RANBP3L: variants seen among roughly 807,000 people sequenced by gnomAD.
The protein encoded by RANBP3L is RAN binding protein 3 like.
A neutral mutation model predicts 67.2 loss-of-function variants in RANBP3L; 56 were observed. The ratio of observed to expected loss-of-function variants is 0.83; its 90% CI spans 0.67 to 1.04. The LOEUF (loss-of-function observed/expected upper bound fraction) is 1.04. RANBP3L is among the 50% of genes least tolerant of loss of function. RANBP3L has a pLI of 0.00. For synonymous variants in RANBP3L, 164 were observed against 181.4 expected (o/e 0.90, Z 0.77); for missense variants, 496 against 535.5 (o/e 0.93, Z 0.73).
At chr5:36,276,313 C>T (rs1166419183) in intron 1 of RANBP3L, among the ~76,000 whole-genome samples, 2 of 152,238 alleles carry the variant, frequency 1.3e-5, no homozygotes, top group Non-Finnish European at 1.5e-5. Flanking sequence ...GGAAGAAAAC[C>T]CAGTACAGTG....
intron 4 of RANBP3L, chr5:36,268,258 A>T: frequency 6.5e-7 from 1 of 1,534,288 alleles, no homozygotes; most frequent in Non-Finnish European, 8.8e-7. Flanking sequence ...CTTCTGAGAC[A>T]AGGTTGACAC....
intron 13 of RANBP3L, among the ~76,000 whole-genome samples, chr5:36,250,083 T>G (rs1748488916): frequency 6.6e-6 from 1 of 151,900 alleles, no homozygotes; most frequent in African/African-American, 2.4e-5. Context: ...ATAGCACCCC[T>G]TTCCTAAAAT....
intron 1 of RANBP3L, among the ~76,000 whole-genome samples, chr5:36,295,229 T>C (rs1579795703): frequency 6.6e-6 from 1 of 152,072 alleles, no homozygotes; most frequent in Admixed American, 6.6e-5. Context: ...TCCCCACCCA[T>C]ATCTCATCTT....
At chr5:36,283,629 C>T (rs181440214) in intron 1 of RANBP3L, among the ~76,000 whole-genome samples, 8 of 152,034 alleles carry the variant, frequency 5.3e-5, no homozygotes, top group Admixed American at 2.0e-4. Flanking sequence ...TACAGCCAAT[C>T]GTAGACCAAA....
chr5:36,255,474 T>G lies in RANBP3L; in HGVS notation c.1020A>C (p.Arg340Ser). 1 of 1,608,832 alleles carries G rather than the reference T, an allele frequency of 6.2e-7. No individual in the cohort carries two copies. The highest frequency in any genetic ancestry group is 8.5e-7 in the Non-Finnish European group (1 of 1,177,242). The change falls in exon 11 of 14, where the codon AGA (arginine) becomes AGC (serine). Residue 340 changes from arginine to serine, a missense_variant. By Grantham distance (110) the Arg-to-Ser change is moderately radical. Transcript: ENST00000296604. ...CTTTACAAAAGGATTCCTTACTTAG[T>G]CTTGACTGTAATGTTCCACAGTCAG... ...ASTDCGTLQS[R>S]LIMRNQGSLR...
chr5:36,258,862 G>A (rs1749175552), intron 8 of RANBP3L, among the ~76,000 whole-genome samples: 1 of 152,158 alleles, frequency 6.6e-6, no homozygotes, highest in African/African-American at 2.4e-5. Flanking sequence ...TTGACACCTG[G>A]CCTCACCCAC....
intron 1 of RANBP3L, among the ~76,000 whole-genome samples, chr5:36,293,665 G>GT (rs1480016613): frequency 2.8e-5 from 4 of 143,266 alleles, no homozygotes; most frequent in Non-Finnish European, 6.2e-5. Flanking sequence ...TAATCATGTG[G>GT]TTTTTGTCGT....
At chr5:36,281,758 G>A (rs1384106916) in intron 1 of RANBP3L, among the ~76,000 whole-genome samples, 3 of 152,162 alleles carry the variant, frequency 2.0e-5, no homozygotes, top group Non-Finnish European at 4.4e-5. Flanking sequence ...GCAGGCAAGT[G>A]GCATAGTGAT....
chr5:36,262,291 G>A (rs900272805), intron 6 of RANBP3L, among the ~76,000 whole-genome samples: 2 of 152,062 alleles, frequency 1.3e-5, no homozygotes, highest in Non-Finnish European at 1.5e-5. Context: ...ACATACAGTG[G>A]CGATCTGTCT....
chr5:36,251,490 G>T lies in RANBP3L; in HGVS notation c.1177C>A (p.Gln393Lys), dbSNP rs779733522. 1 of 1,605,052 alleles carries T rather than the reference G, an allele frequency of 6.2e-7. No individual in the cohort carries two copies. The highest frequency in any genetic ancestry group is 1.1e-5 in the South Asian group (1 of 89,776). Reference protein sequence around the residue: ...IKIFLIQASAQDTAYLYAAIH... With the variant: ...IKIFLIQASAKDTAYLYAAIH... ...GCTGCATACAAATATGCTGTATCTT[G>T]GGCACTGGCCTGCATGAGGAACATT... is the stretch of plus-strand genomic sequence containing the variant. Residue 393 changes from glutamine to lysine, a missense_variant, in exon 13 of 14, where the codon CAA becomes AAA. Physicochemically the swap from Gln to Lys is moderately conservative, Grantham distance 53 (BLOSUM62 1). Coordinates refer to ENST00000296604, the MANE Select transcript of RANBP3L (RefSeq NM_145000.5).
intron 1 of RANBP3L, among the ~76,000 whole-genome samples, chr5:36,277,764 A>G (rs1008053720): frequency 4.6e-4 from 70 of 152,242 alleles, no homozygotes; most frequent in African/African-American, 1.5e-3. Context: ...TGCACTCACT[A>G]TATTAGTCTG....
At chr5:36,259,159 A>G (rs1749194537) in intron 8 of RANBP3L, among the ~76,000 whole-genome samples, 1 of 152,226 alleles carries the variant, frequency 6.6e-6, no homozygotes, top group Admixed American at 6.5e-5. Context: ...AGGCTGGTCC[A>G]TTTTGGTTCA....
chr5:36,260,316 G>A (rs759239696), intron 8 of RANBP3L, among the ~76,000 whole-genome samples: 110 of 142,096 alleles, frequency 7.7e-4, no homozygotes, highest in African/African-American at 2.6e-3. Flanking sequence ...AGCAGAGATC[G>A]GACCACTGCA....
At chr5:36,271,686 T>G (rs971928904) in intron 1 of RANBP3L, among the ~76,000 whole-genome samples, 1 of 152,070 alleles carries the variant, frequency 6.6e-6, no homozygotes, top group Non-Finnish European at 1.5e-5. Context: ...AATCTAGGAG[T>G]AGTACTTCCA....
chr5:36,255,480 C>T lies in RANBP3L; in HGVS notation c.1014G>A (p.Gln338=). Residue 338 remains glutamine, a synonymous_variant, in exon 11 of 14, where the codon CAG becomes CAA. Transcript: ENST00000296604. ...DTASTDCGTL[Q]SRLIMRNQGS... ...AAAAGGATTCCTTACTTAGTCTTGA[C>T]TGTAATGTTCCACAGTCAGTGCTTG... 6.2e-7 allele frequency: 1 copy of T among 1,609,922 alleles called. No homozygotes were observed. The highest frequency in any genetic ancestry group is 8.5e-7 in the Non-Finnish European group (1 of 1,177,594).
chr5:36,261,626 A>G (rs1749394034), intron 7 of RANBP3L, among the ~76,000 whole-genome samples: 1 of 152,238 alleles, frequency 6.6e-6, no homozygotes, highest in Non-Finnish European at 1.5e-5. Context: ...TGCTAGAGAG[A>G]GAGGAAGAGA....
chr5:36,270,635 C>T (rs577057695), intron 2 of RANBP3L, among the ~76,000 whole-genome samples: 1 of 152,288 alleles, frequency 6.6e-6, no homozygotes, highest in South Asian at 2.1e-4. Flanking sequence ...GGACTGACTA[C>T]AGGCACATGC....
At chr5:36,272,924 G>A (rs990287529) in intron 1 of RANBP3L, among the ~76,000 whole-genome samples, 5 of 152,140 alleles carry the variant, frequency 3.3e-5, no homozygotes, top group African/African-American at 1.2e-4. Context: ...TTACAGGTGT[G>A]AGCCACCACA....
At chr5:36,268,645 C>T (rs1003297790) in intron 4 of RANBP3L, among the ~76,000 whole-genome samples, 5 of 151,632 alleles carry the variant, frequency 3.3e-5, no homozygotes, top group Non-Finnish European at 5.9e-5. Context: ...TACTGGTTTA[C>T]TCAGAATACA....
Sources: gnomAD v4.1 joint callset for allele counts (sites outside exome capture counted in the v4.1 genomes callset) on GRCh38, gnomAD v4.1.1 for gene constraint, MANE v1.5 for transcripts, NCBI Gene and HGNC (gene_info 2026-07-23, HGNC 2026-07-21) for gene names.